BTAF1: variants seen among roughly 807,000 people sequenced by gnomAD.
BTAF1 encodes TATA-binding protein-associated factor 172.
Under a neutral mutation model 227.1 loss-of-function variants are expected in BTAF1, and 38 were observed. That is an observed-to-expected ratio of 0.17 (90% CI 0.13 to 0.22). BTAF1 has a LOEUF of 0.22. Ranked by LOEUF, BTAF1 falls within the 10% of genes least tolerant of loss-of-function variation. The probability of loss-of-function intolerance (pLI) is 1.00; values close to 1 mark genes in which losing one functional copy is unlikely to be tolerated. For missense variants in BTAF1, 1,598 were observed against 2,204.0 expected (o/e 0.73, Z 5.51); for synonymous variants, 742 against 751.9 (o/e 0.99, Z 0.21).
At chr10:91,956,440 G>A in intron 6 of BTAF1, 88 bp from the exon 7 acceptor site, 1 of 1,366,054 alleles carries the variant, frequency 7.3e-7, no homozygotes, top group Non-Finnish European at 9.8e-7. Context: ...TAAATTCATT[G>A]TGATTCACAT....
At chr10:91,999,702 A>T (rs760828282) in intron 25 of BTAF1, among the ~76,000 whole-genome samples, 6 of 152,294 alleles carry the variant, frequency 3.9e-5, no homozygotes, top group Non-Finnish European at 7.3e-5. Context: ...GAAGAATATA[A>T]CATCATTTAT....
intron 1 of BTAF1, among the ~76,000 whole-genome samples, chr10:91,926,177 T>A (rs966548882): frequency 6.6e-6 from 1 of 152,234 alleles, no homozygotes; most frequent in African/African-American, 2.4e-5. Context: ...TTCCTTTCTC[T>A]CCTGTTGGTG....
rs1168629708 is a variant in BTAF1, at chr10:92,031,155, CTG to C, written c.*2224_*2225del. Reference sequence around the variant, plus strand: ...TGTCTTTATGATAGGAAATAGCAAACTGTTAAAAATATAGATTCAGAGATTAT... The same window carrying C: ...TGTCTTTATGATAGGAAATAGCAAACTTAAAAATATAGATTCAGAGATTAT... On this transcript the variant is annotated 3_prime_UTR_variant, in exon 38 of 38. Coordinates refer to ENST00000265990, the MANE Select transcript of BTAF1 (RefSeq NM_003972.3). 1.3e-5 allele frequency among the ~76,000 whole-genome samples: 2 copies of C among 152,252 alleles called. No homozygotes were observed. The highest frequency in any genetic ancestry group is 1.9e-4 in the East Asian group (1 of 5,178).
At chr10:91,995,875 C>A (rs1403596550) in intron 23 of BTAF1, among the ~76,000 whole-genome samples, 2 of 152,160 alleles carry the variant, frequency 1.3e-5, no homozygotes, top group Non-Finnish European at 2.9e-5. Context: ...GATTATAACA[C>A]CTATGGTAAG....
At chr10:91,982,365 T>A in intron 17 of BTAF1, 140 bp downstream of exon 17, 1 of 1,197,852 alleles carries the variant, frequency 8.3e-7, no homozygotes, top group South Asian at 1.6e-5. Flanking sequence ...AAGGAAAAAT[T>A]AGAGTAAGCA....
At position 91,923,815 on chromosome 10, in the gene BTAF1, G is replaced by A. The variant is rs557561147; in HGVS notation, c.-262G>A. The A allele has an allele frequency of 2.4e-5, 10 of 424,854 alleles. No homozygotes were observed. Among genetic ancestry groups the A allele is most frequent in the East Asian group, 1.8e-4 (5 of 27,472 alleles). 26.3% of individuals were successfully genotyped at this position (424,854 alleles called of 1,614,324 possible). A position where few individuals can be genotyped will look rare whatever the true frequency, so the allele number is the denominator to read the frequency against. On this transcript the variant is annotated 5_prime_UTR_variant, in exon 1 of 38. Transcript: ENST00000265990. Reference sequence around the variant, plus strand: ...GCGTCAGCAAAGAGCGGAGCTGAGGGTACCCGGTTTGAAGTCGTGCGGGTC... The same window carrying A: ...GCGTCAGCAAAGAGCGGAGCTGAGGATACCCGGTTTGAAGTCGTGCGGGTC...
At chr10:91,959,203 C>T (rs1333332404) in intron 9 of BTAF1, 49 bp downstream of exon 9, 2 of 1,611,858 alleles carry the variant, frequency 1.2e-6, no homozygotes, top group East Asian at 4.5e-5. Context: ...TAGTTGGCAT[C>T]TTTTTCCAAT....
At chr10:91,946,835 TTTTTC>T (rs1399069457) in intron 4 of BTAF1, among the ~76,000 whole-genome samples, 13 of 151,920 alleles carry the variant, frequency 8.6e-5, no homozygotes, top group Non-Finnish European at 1.9e-4. Context: ...CCTTTTTTTC[TTTTTC>T]TTTTCTTTTT....
chr10:92,010,107 C>T (rs1850195089), intron 28 of BTAF1, among the ~76,000 whole-genome samples: 1 of 151,692 alleles, frequency 6.6e-6, no homozygotes, highest in Non-Finnish European at 1.5e-5. Flanking sequence ...AAAAACTAAA[C>T]AAAAAATTGT....
rs1564726176 is a variant in BTAF1, at chr10:92,024,731, A to AGTTTTTTTT, written c.4864-24_4864-16dup. ...TTCTGCTTTTATTGAACGCTTATGT[A>AGTTTTTTTT]GTTTTTTTTTTTTTTCTTCCTAAGT... On this transcript the variant is annotated intron_variant, in intron 34 of 37. Coordinates refer to ENST00000265990, the MANE Select transcript of BTAF1 (RefSeq NM_003972.3). The AGTTTTTTTT allele has an allele frequency of 9.4e-6, 9 of 954,324 alleles. No homozygotes were observed. In the East Asian group the frequency reaches 3.1e-4, roughly 33 times the overall value. The allele number at this position is 954,324 out of a possible 1,614,324, so 59.1% of individuals were successfully genotyped here. A position where few individuals can be genotyped will look rare whatever the true frequency, so the allele number is the denominator to read the frequency against.
chr10:91,966,682 T>C lies in BTAF1; in HGVS notation c.1575T>C (p.Phe525=), dbSNP rs150324272. Residue 525 remains phenylalanine (F), a synonymous_variant, in exon 14 of 38, where the codon TTT becomes TTC. Transcript: ENST00000265990. ...TTTTAGTTCCACGTGTCTGGCCTTTTTTGCATCACACTATATCATCAGTTC... is the reference window on the plus strand; with the variant it reads ...TTTTAGTTCCACGTGTCTGGCCTTTCTTGCATCACACTATATCATCAGTTC... ...LTVLVPRVWP[F]LHHTISSVRR... The C allele has an allele frequency of 1.4e-5, 22 of 1,613,902 alleles. No individual in the cohort carries two copies. The highest frequency in any genetic ancestry group is 1.7e-5 in the Non-Finnish European group (20 of 1,179,946).
chr10:91,944,399 T>C (rs1845222722), intron 4 of BTAF1, among the ~76,000 whole-genome samples: 1 of 152,200 alleles, frequency 6.6e-6, no homozygotes, highest in Non-Finnish European at 1.5e-5. Context: ...CAGCTGGTTG[T>C]GTAGATTATT....
chr10:91,970,422 T>C (rs921546577), intron 14 of BTAF1, among the ~76,000 whole-genome samples: 3 of 152,128 alleles, frequency 2.0e-5, no homozygotes. Context: ...TTCCACATGG[T>C]TGGGGAAGCC....
At chr10:91,964,008 T>C in intron 12 of BTAF1, 69 bp from the exon 13 acceptor site, 5 of 1,557,966 alleles carry the variant, frequency 3.2e-6, no homozygotes, top group Non-Finnish European at 4.4e-6. Context: ...ACCCCTGGGA[T>C]ACCATTTGGC....
At chr10:91,942,385 C>A in intron 3 of BTAF1, 37 bp from the exon 4 acceptor site, 4 of 1,584,380 alleles carry the variant, frequency 2.5e-6, no homozygotes, top group Non-Finnish European at 3.5e-6. Flanking sequence ...CACACTTTGG[C>A]TATATGGTCA....
At chr10:92,005,237 T>A (rs1027025077) in intron 25 of BTAF1, among the ~76,000 whole-genome samples, 1 of 112,976 alleles carries the variant, frequency 8.9e-6, no homozygotes, top group Non-Finnish European at 1.8e-5. Context: ...TCCACATGAG[T>A]TTTTTTGTTT....
intron 4 of BTAF1, among the ~76,000 whole-genome samples, chr10:91,947,765 G>T (rs1845479399): frequency 7.0e-6 from 1 of 142,710 alleles, no homozygotes; most frequent in Non-Finnish European, 1.5e-5. Context: ...AAAGCCAGCT[G>T]GGATTTTGAT....
chr10:91,933,507 G>A (rs937623335), intron 1 of BTAF1, among the ~76,000 whole-genome samples: 2 of 152,134 alleles, frequency 1.3e-5, no homozygotes, highest in African/African-American at 4.8e-5. Context: ...AAGAATAGGA[G>A]AACTAAGGAA....
intron 1 of BTAF1, among the ~76,000 whole-genome samples, chr10:91,931,236 C>T (rs1844256331): frequency 6.6e-6 from 1 of 152,184 alleles, no homozygotes; most frequent in South Asian, 2.1e-4. Context: ...CCTGAAATCA[C>T]AGGTTACATG....
Sources: allele counts gnomAD v4.1 joint callset (sites outside exome capture counted in the v4.1 genomes callset), GRCh38; gene constraint gnomAD v4.1.1; transcripts MANE v1.5; gene names NCBI Gene and HGNC (gene_info 2026-07-23, HGNC 2026-07-21).